Variants in LRMDA observed in about 807,000 individuals in gnomAD.
LRMDA encodes the protein leucine rich melanocyte differentiation associated.
In LRMDA, 18 loss-of-function variants were observed where a neutral mutation model predicts 29.8. The ratio of observed to expected loss-of-function variants is 0.60; its 90% CI spans 0.42 to 0.90. LRMDA has a LOEUF of 0.90. LRMDA is among the 40% of genes least tolerant of loss of function. The probability of loss-of-function intolerance (pLI) is 0.00; values close to 1 mark genes in which losing one functional copy is unlikely to be tolerated. For missense variants in LRMDA, 273 were observed against 273.9 expected (o/e 1.00, Z 0.02); for synonymous variants, 125 against 109.4 (o/e 1.14, Z -0.89).
At chr10:75,765,165 T>C (rs1589192785) in intron 2 of LRMDA, among the ~76,000 whole-genome samples, 1 of 152,320 alleles carries the variant, frequency 6.6e-6, no homozygotes, top group East Asian at 1.9e-4. Flanking sequence ...GCTTCATTTA[T>C]TTCCTGCTTT....
intron 2 of LRMDA, among the ~76,000 whole-genome samples, chr10:76,031,990 C>A (rs147369433): frequency 1.2e-3 from 188 of 152,318 alleles, no homozygotes; most frequent in Non-Finnish European, 1.6e-3. Flanking sequence ...ATTCTTAGCA[C>A]AGCCTAGATC....
In LRMDA at chr10:76,327,063, C is replaced by T. The variant is rs186123702; in HGVS notation, c.601+2578C>T. Among the ~76,000 whole-genome samples, 9 of 150,980 alleles carry T rather than the reference C, an allele frequency of 6.0e-5. 1 individual carries two copies. The highest frequency in any genetic ancestry group is 2.2e-4 in the African/African-American group (9 of 41,014). ...TTAAACTCCTCATAAATGAAAACTC[C>T]CTGAGAGGCAGCAGTAAGTCCAAAT... is the stretch of plus-strand genomic sequence containing the variant. On this transcript the variant is annotated intron_variant, in intron 6 of 6. Transcript: ENST00000611255.
intron 5 of LRMDA, among the ~76,000 whole-genome samples, chr10:76,159,920 G>A (rs72815571): frequency 0.028 from 4,238 of 152,164 alleles, 92 homozygotes; most frequent in Non-Finnish European, 0.04. Context: ...TTGGGGGGCA[G>A]TAAAAATACT....
At chr10:75,502,579 C>T (rs1334536133) in intron 2 of LRMDA, among the ~76,000 whole-genome samples, 2 of 152,118 alleles carry the variant, frequency 1.3e-5, no homozygotes, top group African/African-American at 4.8e-5. Flanking sequence ...GGGAATGACT[C>T]GTGTCAGGTT....
intron 5 of LRMDA, among the ~76,000 whole-genome samples, chr10:76,268,148 A>C (rs1209186768): frequency 6.6e-6 from 1 of 152,176 alleles, no homozygotes; most frequent in Non-Finnish European, 1.5e-5. Context: ...AATTGTAACA[A>C]ATATAACCTG....
At chr10:75,901,431 C>G in intron 2 of LRMDA, among the ~76,000 whole-genome samples, 1 of 152,114 alleles carries the variant, frequency 6.6e-6, no homozygotes, top group East Asian at 1.9e-4. Flanking sequence ...TCTCCCAAAA[C>G]CTAAATGAGG....
intron 2 of LRMDA, among the ~76,000 whole-genome samples, chr10:75,840,228 G>T (rs1326590685): frequency 6.6e-6 from 1 of 151,724 alleles, no homozygotes; most frequent in Non-Finnish European, 1.5e-5. Flanking sequence ...GCACAGTCCA[G>T]GCTTCTCATC....
intron 2 of LRMDA, among the ~76,000 whole-genome samples, chr10:75,891,180 T>TG (rs1423453753): frequency 6.6e-6 from 1 of 152,044 alleles, no homozygotes; most frequent in Non-Finnish European, 1.5e-5. Context: ...CTGGCCCACC[T>TG]GAGAAAACTG....
chr10:76,075,800 G>A (rs1030492490), intron 5 of LRMDA, among the ~76,000 whole-genome samples: 1 of 152,136 alleles, frequency 6.6e-6, no homozygotes, highest in Non-Finnish European at 1.5e-5. Context: ...GGTCAGGTAG[G>A]GGTCCAGTAT....
chr10:76,260,990 T>C (rs1358792265), intron 5 of LRMDA: 27 of 152,166 alleles, frequency 1.8e-4, no homozygotes, highest in Admixed American at 1.8e-3. Flanking sequence ...GAAAGAGAGC[T>C]TGTTCCAATA....
At chr10:76,337,014 A>C (rs4745813) in intron 6 of LRMDA, among the ~76,000 whole-genome samples, 1 of 152,028 alleles carries the variant, frequency 6.6e-6, no homozygotes, top group Admixed American at 6.5e-5. Context: ...TCAAATCAGA[A>C]AATGAAACTC....
intron 6 of LRMDA, among the ~76,000 whole-genome samples, chr10:76,347,748 C>T (rs912133146): frequency 6.6e-6 from 1 of 152,042 alleles, no homozygotes; most frequent in Non-Finnish European, 1.5e-5. Context: ...TTATATTATC[C>T]ACCAAGCATA....
chr10:76,546,336 C>G (rs1175867131), intron 6 of LRMDA, among the ~76,000 whole-genome samples: 1 of 152,194 alleles, frequency 6.6e-6, no homozygotes, highest in East Asian at 1.9e-4. Flanking sequence ...ACTGTACTAT[C>G]CTCACTAAAG....
At chr10:75,545,525 T>TA (rs1395302974) in intron 2 of LRMDA, among the ~76,000 whole-genome samples, 21 of 152,306 alleles carry the variant, frequency 1.4e-4, no homozygotes, top group Middle Eastern at 6.8e-3. Flanking sequence ...ACTGTGGACA[T>TA]AATAGGTGTC....
rs183050130 is a variant in LRMDA at position 75,627,235 on chromosome 10, A to T, written c.131+188741A>T. On this transcript the variant is annotated intron_variant, in intron 2 of 6. Coordinates refer to ENST00000611255, the MANE Select transcript of LRMDA (RefSeq NM_001305581.2). ...TTCAACTTCAAATAGTTATTTACACATATTAGTTTTCAGACACACAGTGTG... is the reference window on the plus strand; with the variant it reads ...TTCAACTTCAAATAGTTATTTACACTTATTAGTTTTCAGACACACAGTGTG... 2.8e-3 allele frequency among the ~76,000 whole-genome samples: 422 copies of T among 152,244 alleles called. 2 individuals are homozygous for T. The highest frequency in any genetic ancestry group is 4.0e-3 in the Non-Finnish European group (273 of 68,016).
chr10:76,272,567 T>C (rs1319470837), intron 5 of LRMDA, among the ~76,000 whole-genome samples: 8 of 152,204 alleles, frequency 5.3e-5, no homozygotes, highest in Non-Finnish European at 8.8e-5. Context: ...TCTAGAATAA[T>C]TTCTCAGCAT....
At chr10:75,473,060 T>TGC (rs947839694) in intron 2 of LRMDA, among the ~76,000 whole-genome samples, 104 of 152,350 alleles carry the variant, frequency 6.8e-4, no homozygotes, top group African/African-American at 2.4e-3. Flanking sequence ...TCTAGAGGTT[T>TGC]GCATCTCTTC....
intron 2 of LRMDA, among the ~76,000 whole-genome samples, chr10:75,671,239 T>G (rs1841887386): frequency 6.6e-6 from 1 of 152,212 alleles, no homozygotes; most frequent in Admixed American, 6.5e-5. Context: ...AACAAGCCCA[T>G]GTGCCCATCA....
chr10:75,652,411 C>G (rs1215185092), intron 2 of LRMDA, among the ~76,000 whole-genome samples: 1 of 152,224 alleles, frequency 6.6e-6, no homozygotes, highest in Non-Finnish European at 1.5e-5. Flanking sequence ...CAGGCCAAGA[C>G]AGAAGCTGTC....
Sources: allele counts gnomAD v4.1 joint callset (sites outside exome capture counted in the v4.1 genomes callset), GRCh38; gene constraint gnomAD v4.1.1; transcripts MANE v1.5; gene names NCBI Gene and HGNC (gene_info 2026-07-23, HGNC 2026-07-21).